The following HAPLN1 variants were observed in gnomAD, a reference collection of about 807,000 sequenced individuals.
HAPLN1 encodes the protein hyaluronan and proteoglycan link protein 1.
In HAPLN1, 13 loss-of-function variants were observed where a neutral mutation model predicts 36.5. The observed-to-expected ratio is 0.36, with a 90% CI of 0.23 to 0.57. The LOEUF (loss-of-function observed/expected upper bound fraction) is 0.57, where lower values mean the gene tolerates loss of function less well. HAPLN1 is among the 20% of genes least tolerant of loss of function. The pLI is 0.83. For missense variants in HAPLN1, 407 were observed against 439.7 expected (o/e 0.93, Z 0.66); for synonymous variants, 202 against 169.8 (o/e 1.19, Z -1.48).
intron 4 of HAPLN1, among the ~76,000 whole-genome samples, chr5:83,644,057 A>C (rs1331549950): frequency 6.6e-6 from 1 of 152,188 alleles, no homozygotes; most frequent in Non-Finnish European, 1.5e-5. Context: ...GAGGGCACAC[A>C]CTGGCAGCAT....
intron 1 of HAPLN1, among the ~76,000 whole-genome samples, chr5:83,683,586 G>A (rs893334373): frequency 7.2e-5 from 11 of 152,112 alleles, no homozygotes; most frequent in Admixed American, 6.6e-5. Context: ...CTTATACCTC[G>A]TTAACTTTAG....
rs370689369 is a variant in HAPLN1, at chr5:83,644,675, G to T, written c.473-10C>A. 1.4e-4 allele frequency: 202 copies of T among 1,408,010 alleles called. No individual in the cohort carries two copies. Among genetic ancestry groups the T allele is most frequent in the Non-Finnish European group, 1.8e-4 (196 of 1,074,158 alleles). The allele number at this position is 1,408,010 out of a possible 1,614,324, so 87.2% of individuals were successfully genotyped here. A position where few individuals can be genotyped will look rare whatever the true frequency, so the allele number is the denominator to read the frequency against. On this transcript the variant is annotated splice_polypyrimidine_tract_variant and intron_variant, in intron 3 of 4. Coordinates refer to ENST00000274341, the MANE Select transcript of HAPLN1 (RefSeq NM_001884.4). ...TAAGGGAATACCACACCTGTCCAAAGGAGAAAGCAAGGAGTTGTTAGAAGC... is the reference window on the plus strand; with the variant it reads ...TAAGGGAATACCACACCTGTCCAAATGAGAAAGCAAGGAGTTGTTAGAAGC...
At position 83,673,297 on chromosome 5, in the gene HAPLN1, A is replaced by G. The variant is rs116119778; in HGVS notation, c.100+127T>C. 1,197 of 634,860 alleles carry G rather than the reference A, an allele frequency of 1.9e-3. 4 individuals carry two copies. Among genetic ancestry groups the G allele is most frequent in the Non-Finnish European group, 2.5e-3 (929 of 367,454 alleles). The allele number at this position is 634,860 out of a possible 1,614,324, so 39.3% of individuals were successfully genotyped here. A position where few individuals can be genotyped will look rare whatever the true frequency, so the allele number is the denominator to read the frequency against. ...TTAAAAGCCAGGGAACACGTTCACC[A>G]ATTAGCAGAAAGGGAAAGAAAAAGT... On this transcript the variant is annotated intron_variant, in intron 2 of 4. Coordinates refer to ENST00000274341, the MANE Select transcript of HAPLN1 (RefSeq NM_001884.4).
At chr5:83,684,022 T>C (rs1219071874) in intron 1 of HAPLN1, among the ~76,000 whole-genome samples, 1 of 151,840 alleles carries the variant, frequency 6.6e-6, no homozygotes, top group Non-Finnish European at 1.5e-5. Flanking sequence ...AGGAGGAAGA[T>C]AGCAACTGAA....
chr5:83,678,503 C>T (rs16900726), intron 1 of HAPLN1, among the ~76,000 whole-genome samples: 2,412 of 152,180 alleles, frequency 0.016, 60 homozygotes, highest in East Asian at 0.1. Context: ...TGTAAGGTTA[C>T]GATAGTTGTC....
At chr5:83,709,281 T>C (rs551876692) in intron 1 of HAPLN1, among the ~76,000 whole-genome samples, 1 of 152,348 alleles carries the variant, frequency 6.6e-6, no homozygotes, top group South Asian at 2.1e-4. Context: ...GCAAATGTTC[T>C]TTTTACACAG....
At chr5:83,646,408 C>T (rs531085269) in intron 3 of HAPLN1, among the ~76,000 whole-genome samples, 88 of 152,316 alleles carry the variant, frequency 5.8e-4, no homozygotes, top group African/African-American at 2.1e-3. Flanking sequence ...TACAAACTCA[C>T]TAATAGCATA....
intron 1 of HAPLN1, among the ~76,000 whole-genome samples, chr5:83,691,034 A>G (rs1561318876): frequency 6.6e-6 from 1 of 152,086 alleles, no homozygotes; most frequent in South Asian, 2.1e-4. Flanking sequence ...TGGACAAAAT[A>G]CAGAAAAAAC....
chr5:83,707,912 C>T (rs1315165601), intron 1 of HAPLN1, among the ~76,000 whole-genome samples: 1 of 152,174 alleles, frequency 6.6e-6, no homozygotes, highest in African/African-American at 2.4e-5. Context: ...AGGACGTCAA[C>T]AGAATTTTCC....
intron 1 of HAPLN1, among the ~76,000 whole-genome samples, chr5:83,687,905 T>A (rs1398791209): frequency 2.0e-5 from 3 of 152,222 alleles, no homozygotes; most frequent in Non-Finnish European, 4.4e-5. Flanking sequence ...AAAGGCTGTT[T>A]TGACTCTCTT....
intron 2 of HAPLN1, among the ~76,000 whole-genome samples, chr5:83,663,738 T>C (rs1436665860): frequency 6.6e-6 from 1 of 151,954 alleles, no homozygotes; most frequent in Non-Finnish European, 1.5e-5. Context: ...GAGCTTGAGG[T>C]GTCTGTTTCC....
Position 83,641,413 on chromosome 5 carries a change from C to T in HAPLN1, c.*83G>A. 1.5e-6 allele frequency: 2 copies of T among 1,305,484 alleles called. No homozygotes were observed. The highest frequency in any genetic ancestry group is 1.0e-6 in the Non-Finnish European group (1 of 956,224). The allele number at this position is 1,305,484 out of a possible 1,614,324, so 80.9% of individuals were successfully genotyped here. ...AAAAGGGTTATCACAGTTTTGGTAA[C>T]TTGCATGAGTTCATATTGGAAAAAA... On this transcript the variant is annotated 3_prime_UTR_variant, in exon 5 of 5. Coordinates refer to ENST00000274341, the MANE Select transcript of HAPLN1 (RefSeq NM_001884.4).
chr5:83,668,999 T>A (rs1204337033), intron 2 of HAPLN1, among the ~76,000 whole-genome samples: 1 of 152,200 alleles, frequency 6.6e-6, no homozygotes, highest in East Asian at 1.9e-4. Flanking sequence ...AATCTACTTG[T>A]TTTATTTGTT....
chr5:83,714,661 C>T (rs1258562129), intron 1 of HAPLN1, among the ~76,000 whole-genome samples: 1 of 152,192 alleles, frequency 6.6e-6, no homozygotes, highest in African/African-American at 2.4e-5. Flanking sequence ...CTGTGCTTCT[C>T]CTATGCATAT....
In HAPLN1 at chr5:83,652,369, T is replaced by C. The variant is rs114244797; in HGVS notation, c.472+84A>G. 1,661 of 1,384,896 alleles carry C rather than the reference T, an allele frequency of 1.2e-3. 18 individuals carry two copies. In the African/African-American group the frequency reaches 0.021, roughly 18 times the overall value. The allele number at this position is 1,384,896 out of a possible 1,614,324, so 85.8% of individuals were successfully genotyped here. A position where few individuals can be genotyped will look rare whatever the true frequency, so the allele number is the denominator to read the frequency against. On this transcript the variant is annotated intron_variant, in intron 3 of 4. Coordinates refer to ENST00000274341, the MANE Select transcript of HAPLN1 (RefSeq NM_001884.4). The stretch of plus-strand genomic sequence containing the variant: ...TTGGTTTTTCACTTTATTACTGTGT[T>C]AACCACTAGACATTACTCTTCATGA...
At chr5:83,682,222 T>C (rs1751022613) in intron 1 of HAPLN1, 1 of 152,186 alleles carries the variant, frequency 6.6e-6, no homozygotes, top group Non-Finnish European at 1.5e-5. Context: ...CCATCACAAA[T>C]ATGTAAAAAG....
At chr5:83,682,702 A>G (rs974071949) in intron 1 of HAPLN1, among the ~76,000 whole-genome samples, 2 of 152,206 alleles carry the variant, frequency 1.3e-5, no homozygotes. Flanking sequence ...GTGTCTACAC[A>G]GCTCAAAAAA....
At chr5:83,676,542 G>C (rs1167853090) in intron 1 of HAPLN1, among the ~76,000 whole-genome samples, 1 of 152,168 alleles carries the variant, frequency 6.6e-6, no homozygotes, top group African/African-American at 2.4e-5. Flanking sequence ...GGTCATTGAG[G>C]TCAAGGGCTG....
At chr5:83,689,103 T>C (rs1049836579) in intron 1 of HAPLN1, among the ~76,000 whole-genome samples, 2 of 152,158 alleles carry the variant, frequency 1.3e-5, no homozygotes, top group Non-Finnish European at 1.5e-5. Context: ...TTATTTAAAT[T>C]TACTCAGTCC....
Sources: allele counts gnomAD v4.1 joint callset (sites outside exome capture counted in the v4.1 genomes callset), GRCh38; gene constraint gnomAD v4.1.1; transcripts MANE v1.5; gene names NCBI Gene and HGNC (gene_info 2026-07-23, HGNC 2026-07-21).